Variants in CIAO1 observed in about 807,000 individuals in gnomAD.
CIAO1 encodes the protein probable cytosolic iron-sulfur protein assembly protein CIAO1.
A neutral mutation model predicts 43.1 loss-of-function variants in CIAO1; 32 were observed. That is an observed-to-expected ratio of 0.74 (90% CI 0.56 to 1.00). The LOEUF (loss-of-function observed/expected upper bound fraction) is 1.00, where lower values mean the gene tolerates loss of function less well. Ranked by LOEUF, CIAO1 falls within the 50% of genes least tolerant of loss-of-function variation. CIAO1 has a pLI of 0.00. For missense variants in CIAO1, 415 were observed against 437.4 expected (o/e 0.95, Z 0.46); for synonymous variants, 183 against 171.4 (o/e 1.07, Z -0.53).
At position 96,273,662 on chromosome 2, in the gene CIAO1, CAAAAAAAAAAAA is replaced by C. The variant is rs57198918; in HGVS notation, c.*2324_*2335del. Among the ~76,000 whole-genome samples, 9 of 55,996 alleles carry C rather than the reference CAAAAAAAAAAAA, an allele frequency of 1.6e-4. No homozygotes were observed. Among genetic ancestry groups the C allele is most frequent in the African/African-American group, 1.8e-4 (3 of 16,758 alleles). The allele number at this position is 55,996 out of a possible 152,430, so 36.7% of individuals were successfully genotyped here. A position where few individuals can be genotyped will look rare whatever the true frequency, so the allele number is the denominator to read the frequency against. ...TGGGTGACAGAGCGAGACTCCATTT[CAAAAAAAAAAAA>C]AAAAAAAAAAAATCACTTGTAGTCT... is the stretch of plus-strand genomic sequence containing the variant. On this transcript the variant is annotated 3_prime_UTR_variant, in exon 7 of 7. Coordinates refer to ENST00000488633, the MANE Select transcript of CIAO1 (RefSeq NM_004804.3).
In CIAO1 at chr2:96,267,377, A is replaced by C. The variant is rs768725287; in HGVS notation, c.196A>C (p.Lys66Gln). The C allele has an allele frequency of 6.2e-7, 1 of 1,614,168 alleles. No homozygotes were observed. Among genetic ancestry groups the C allele is most frequent in the South Asian group, 1.1e-5 (1 of 91,088 alleles). Residue 66 changes from lysine to glutamine, a missense_variant, in exon 2 of 7, where the codon AAG (lysine) becomes CAG (glutamine). Lys to Gln is a moderately conservative substitution (Grantham distance 53). Coordinates refer to ENST00000488633, the MANE Select transcript of CIAO1 (RefSeq NM_004804.3). ...TGAAGGCCACCAGCGCACCGTGCGG[A>C]AGGTAGCCTGGTCCCCCTGCGGTAA... ...LSEGHQRTVR[K>Q]VAWSPCGNYL...
chr2:96,267,359 C>T lies in CIAO1; in HGVS notation c.178C>T (p.His60Tyr), dbSNP rs747097098. 19 of 1,613,922 alleles carry T rather than the reference C, an allele frequency of 1.2e-5. No individual in the cohort carries two copies. Among genetic ancestry groups the T allele is most frequent in the Non-Finnish European group, 1.5e-5 (18 of 1,179,850 alleles). The change falls in exon 2 of 7, where the codon CAC becomes TAC. Residue 60 changes from histidine (H) to tyrosine (Y), a missense_variant. By Grantham distance (83) the His-to-Tyr change is moderately conservative (BLOSUM62 2). Transcript: ENST00000488633. ...WICKSVLSEG[H>Y]QRTVRKVAWS... ...CTGCAAGTCTGTCCTTTCTGAAGGC[C>T]ACCAGCGCACCGTGCGGAAGGTAGC... is the stretch of plus-strand genomic sequence containing the variant.
At chr2:96,270,245 G>A (rs796227837) in intron 6 of CIAO1, among the ~76,000 whole-genome samples, 10 of 152,226 alleles carry the variant, frequency 6.6e-5, no homozygotes, top group African/African-American at 2.4e-4. Flanking sequence ...TGTGGCTCAC[G>A]CCTGTAATCC....
At chr2:96,266,685 T>C (rs920986447) in intron 1 of CIAO1, among the ~76,000 whole-genome samples, 196 bp downstream of exon 1, 2 of 152,054 alleles carry the variant, frequency 1.3e-5, no homozygotes, top group Non-Finnish European at 2.9e-5. Context: ...CAAGCTGAAA[T>C]GTCAAGGGAA....
In CIAO1 at chr2:96,270,811, A is replaced by C. The variant is rs1684534452; in HGVS notation, c.780-300A>C. On this transcript the variant is annotated intron_variant, in intron 6 of 6. Transcript: ENST00000488633. ...GGCGACACAGCAAGACTCCATCTCA[A>C]AAAAAAAAAAAAAAAAACAACTTTA... is the stretch of plus-strand genomic sequence containing the variant. Among the ~76,000 whole-genome samples, 4 of 145,380 alleles carry C rather than the reference A, an allele frequency of 2.8e-5. No homozygotes were observed. In the South Asian group the frequency reaches 8.5e-4, roughly 31 times the overall value.
rs1410007639 is a variant in CIAO1 at position 96,266,394 on chromosome 2, C to T, written c.44C>T (p.Pro15Leu). ...CTGCTGGGCCGTGTCCCGGCGCACCCGGACTCCCGCTGCTGGTTCCTGGCC... is the reference window on the plus strand; with the variant it reads ...CTGCTGGGCCGTGTCCCGGCGCACCTGGACTCCCGCTGCTGGTTCCTGGCC... ...LVLLGRVPAH[P>L]DSRCWFLAWN... Residue 15 changes from proline (P) to leucine (L), a missense_variant, in exon 1 of 7, where the codon CCG becomes CTG. Pro to Leu is a moderately conservative substitution (Grantham distance 98). Transcript: ENST00000488633. The T allele has an allele frequency of 1.3e-6, 2 of 1,526,656 alleles. No homozygotes were observed. The highest frequency in any genetic ancestry group is 1.9e-5 in the Admixed American group (1 of 52,786). 94.6% of individuals were successfully genotyped at this position (1,526,656 alleles called of 1,614,324 possible). A position where few individuals can be genotyped will look rare whatever the true frequency, so the allele number is the denominator to read the frequency against.
chr2:96,269,023 C>G (rs1314775352), intron 5 of CIAO1: 1 of 587,024 alleles, frequency 1.7e-6, no homozygotes, highest in Non-Finnish European at 3.0e-6. Context: ...TGGTGGGTGG[C>G]CTTCACAGGC....
In CIAO1 at chr2:96,268,686, G is replaced by C. The variant is rs375865195; in HGVS notation, c.691+28G>C. 35 of 1,611,016 alleles carry C rather than the reference G, an allele frequency of 2.2e-5. No homozygotes were observed. The African/African-American group carries it at 4.3e-4, about 20-fold the overall frequency. On this transcript the variant is annotated intron_variant, in intron 5 of 6. Coordinates refer to ENST00000488633, the MANE Select transcript of CIAO1 (RefSeq NM_004804.3). ...GAGGTCCATTAGTAGAGCTAAAGAA[G>C]ACCCATCTCTCAAGGGGTTCACAGT...
At position 96,266,360 on chromosome 2, in the gene CIAO1, T is replaced by C. The variant is rs746716248; in HGVS notation, c.10T>C (p.Ser4Pro). ...CCTGCGTCGGGCCGACATGAAGGAC[T>C]CGCTGGTGCTGCTGGGCCGTGTCCC... MKD[S>P]LVLLGRVPAH... The change falls in exon 1 of 7, where the codon TCG becomes CCG. Residue 4 changes from serine (S) to proline (P), a missense_variant. By Grantham distance (74) the Ser-to-Pro change is moderately conservative. Transcript: ENST00000488633. 6.8e-7 allele frequency: 1 copy of C among 1,461,144 alleles called. No individual in the cohort carries two copies. The highest frequency in any genetic ancestry group is 9.1e-7 in the Non-Finnish European group (1 of 1,092,910). 90.5% of individuals were successfully genotyped at this position (1,461,144 alleles called of 1,614,324 possible). A position where few individuals can be genotyped will look rare whatever the true frequency, so the allele number is the denominator to read the frequency against.
In CIAO1 at chr2:96,271,369, C is replaced by G; in HGVS notation, c.*18C>G. On this transcript the variant is annotated 3_prime_UTR_variant, in exon 7 of 7. Transcript: ENST00000488633. ...GCCTCTGAGCTACCTCGACTTTGGA[C>G]AGAGTAATGACTCCCCAGAAAACGT... 6.2e-7 allele frequency: 1 copy of G among 1,611,224 alleles called. No individual in the cohort carries two copies. The highest frequency in any genetic ancestry group is 8.5e-7 in the Non-Finnish European group (1 of 1,178,808).
chr2:96,269,364 C>G lies in CIAO1; in HGVS notation c.779+9C>G. ...ATTTATGACATTGCTTGGTAAGACT[C>G]CATCCCCCCACCCCATCCCATCCCC... is the stretch of plus-strand genomic sequence containing the variant. On this transcript the variant is annotated intron_variant, in intron 6 of 6. Transcript: ENST00000488633. 1.9e-6 allele frequency: 3 copies of G among 1,609,452 alleles called. No homozygotes were observed. Among genetic ancestry groups the G allele is most frequent in the Non-Finnish European group, 2.6e-6 (3 of 1,175,750 alleles).
At position 96,271,441 on chromosome 2, in the gene CIAO1, T is replaced by C; in HGVS notation, c.*90T>C. Reference sequence around the variant, plus strand: ...CTGAGAGGACCAGGAGGAGCATCCTTGACCTTCATTTAACTTGGCTCACTT... The same window carrying C: ...CTGAGAGGACCAGGAGGAGCATCCTCGACCTTCATTTAACTTGGCTCACTT... On this transcript the variant is annotated 3_prime_UTR_variant, in exon 7 of 7. Coordinates refer to ENST00000488633, the MANE Select transcript of CIAO1 (RefSeq NM_004804.3). The C allele has an allele frequency of 2.7e-6, 4 of 1,477,338 alleles. No homozygotes were observed. The South Asian group carries it at 5.1e-5, about 19-fold the overall frequency. The allele number at this position is 1,477,338 out of a possible 1,614,324, so 91.5% of individuals were successfully genotyped here. A position where few individuals can be genotyped will look rare whatever the true frequency, so the allele number is the denominator to read the frequency against.
rs554843660 is a variant in CIAO1, at chr2:96,271,416, C to G, written c.*65C>G. On this transcript the variant is annotated 3_prime_UTR_variant, in exon 7 of 7. Coordinates refer to ENST00000488633, the MANE Select transcript of CIAO1 (RefSeq NM_004804.3). ...ACGTCATATAAGACTTTACCAGCCC[C>G]TGAGAGGACCAGGAGGAGCATCCTT... The G allele has an allele frequency of 3.3e-5, 52 of 1,565,460 alleles. 1 individual carries two copies. In the South Asian group the frequency reaches 5.6e-4, roughly 17 times the overall value.
Position 96,271,379 on chromosome 2 carries a change from ACTCC to A in CIAO1, c.*30_*33del. 1 of 1,605,698 alleles carries A rather than the reference ACTCC, an allele frequency of 6.2e-7. No individual in the cohort carries two copies. Among genetic ancestry groups the A allele is most frequent in the Non-Finnish European group, 8.5e-7 (1 of 1,175,412 alleles). ...TACCTCGACTTTGGACAGAGTAATG[ACTCC>A]CCAGAAAACGTCATATAAGACTTTA... On this transcript the variant is annotated 3_prime_UTR_variant, in exon 7 of 7. Transcript: ENST00000488633.
chr2:96,270,809 C>CAAAAAA (rs531540380), intron 6 of CIAO1, among the ~76,000 whole-genome samples: 2 of 53,808 alleles, frequency 3.7e-5, no homozygotes, highest in Non-Finnish European at 3.9e-5. Context: ...GACTCCATCT[C>CAAAAAA]AAAAAAAAAA....
At chr2:96,269,486 C>T in intron 6 of CIAO1, 131 bp downstream of exon 6, 4 of 794,924 alleles carry the variant, frequency 5.0e-6, no homozygotes, top group Non-Finnish European at 8.6e-6. Flanking sequence ...CATTCCTTAT[C>T]AGGCCTGACT....
chr2:96,273,113 T>G lies in CIAO1; in HGVS notation c.*1762T>G, dbSNP rs1684584886. 1 of 152,216 alleles carries G rather than the reference T, an allele frequency of 6.6e-6. No homozygotes were observed. The highest frequency in any genetic ancestry group is 2.1e-4 in the South Asian group (1 of 4,834). The allele number at this position is 152,216 out of a possible 1,614,324, so 9.4% of individuals were successfully genotyped here. A position where few individuals can be genotyped will look rare whatever the true frequency, so the allele number is the denominator to read the frequency against. On this transcript the variant is annotated 3_prime_UTR_variant, in exon 7 of 7. Transcript: ENST00000488633. The stretch of plus-strand genomic sequence containing the variant: ...AGTGATAAAGCTTTCAAGCAAAAAT[T>G]GGAATTTCCGAAAATCTGTACTCCA...
rs572279152 is a variant in CIAO1 at position 96,267,360 on chromosome 2, A to T, written c.179A>T (p.His60Leu). 11 of 1,613,988 alleles carry T rather than the reference A, an allele frequency of 6.8e-6. No individual in the cohort carries two copies. In the South Asian group the frequency reaches 1.1e-4, roughly 16 times the overall value. Residue 60 changes from histidine (H) to leucine (L), a missense_variant, in exon 2 of 7, where the codon CAC becomes CTC. By Grantham distance (99) the His-to-Leu change is moderately conservative. Coordinates refer to ENST00000488633, the MANE Select transcript of CIAO1 (RefSeq NM_004804.3). ...TGCAAGTCTGTCCTTTCTGAAGGCCACCAGCGCACCGTGCGGAAGGTAGCC... is the reference window on the plus strand; with the variant it reads ...TGCAAGTCTGTCCTTTCTGAAGGCCTCCAGCGCACCGTGCGGAAGGTAGCC... The part of the protein sequence containing the change: ...WICKSVLSEG[H>L]QRTVRKVAWS...
Position 96,271,776 on chromosome 2 carries a change from T to G in CIAO1, c.*425T>G, listed in dbSNP as rs1684555975. ...TTCCATGGTGAATCCTTGTCTGAAATAGGTCCTCCCTTCCCAGTTTCTGTG... is the reference window on the plus strand; with the variant it reads ...TTCCATGGTGAATCCTTGTCTGAAAGAGGTCCTCCCTTCCCAGTTTCTGTG... On this transcript the variant is annotated 3_prime_UTR_variant, in exon 7 of 7. Transcript: ENST00000488633. 6.2e-6 allele frequency: 1 copy of G among 160,414 alleles called. No individual in the cohort carries two copies. Among genetic ancestry groups the G allele is most frequent in the Admixed American group, 6.0e-5 (1 of 16,716 alleles). 9.9% of individuals were successfully genotyped at this position (160,414 alleles called of 1,614,324 possible).
Sources: gnomAD v4.1 joint callset for allele counts (sites outside exome capture counted in the v4.1 genomes callset) on GRCh38, gnomAD v4.1.1 for gene constraint, MANE v1.5 for transcripts, NCBI Gene and HGNC (gene_info 2026-07-23, HGNC 2026-07-21) for gene names.